The following PRRX1 variants were observed in gnomAD, a reference collection of about 807,000 sequenced individuals.
PRRX1 encodes the protein paired related homeobox 1.
PRRX1 carries 8 observed loss-of-function variants against 24.0 expected under a neutral mutation model. The observed-to-expected ratio is 0.33, with a 90% confidence interval of 0.20 to 0.60. PRRX1 has a LOEUF of 0.60. Ranked by LOEUF, PRRX1 falls within the 20% of genes least tolerant of loss-of-function variation. The pLI, the probability that PRRX1 is intolerant of heterozygous loss-of-function variation, is 0.82. For missense variants in PRRX1, 281 were observed against 322.4 expected (o/e 0.87, Z 0.98); for synonymous variants, 160 against 131.7 (o/e 1.22, Z -1.47).
At chr1:170,726,077 T>C in intron 2 of PRRX1, 143 bp from the exon 3 acceptor site, 2 of 809,974 alleles carry the variant, frequency 2.5e-6, no homozygotes, top group Non-Finnish European at 2.0e-6. Flanking sequence ...TCTATTGTTC[T>C]ACGGAGAATT....
At chr1:170,687,095 A>C (rs889216630) in intron 1 of PRRX1, among the ~76,000 whole-genome samples, 4 of 151,578 alleles carry the variant, frequency 2.6e-5, no homozygotes, top group African/African-American at 4.8e-5. Flanking sequence ...TTTTACAAAA[A>C]GGTCATCTTG....
At chr1:170,682,183 GACCAAAATTTA>G (rs887155230) in intron 1 of PRRX1, among the ~76,000 whole-genome samples, 3 of 151,984 alleles carry the variant, frequency 2.0e-5, no homozygotes, top group African/African-American at 7.2e-5. Flanking sequence ...ACTGGTATAG[GACCAAAATTTA>G]GGCAAAATTT....
intron 1 of PRRX1, among the ~76,000 whole-genome samples, chr1:170,698,926 C>T (rs1429661946): frequency 6.6e-6 from 1 of 152,126 alleles, no homozygotes; most frequent in Non-Finnish European, 1.5e-5. Context: ...TAATCCTCCC[C>T]TCAGCAAGGC....
intron 1 of PRRX1, among the ~76,000 whole-genome samples, chr1:170,671,294 T>G (rs1653133577): frequency 6.6e-6 from 1 of 152,120 alleles, no homozygotes; most frequent in African/African-American, 2.4e-5. Context: ...GGGCTTGAGG[T>G]TGTGGAATGG....
rs568696723 is a variant in PRRX1 at position 170,664,407 on chromosome 1, C to A, written c.189C>A (p.Ser63Arg). ...ADENVGEAGRSLLESPGLTSG... is the reference protein window; with the variant it reads ...ADENVGEAGRRLLESPGLTSG... Reference sequence around the variant, plus strand: ...AGAACGTGGGCGAGGCTGGCCGGAGCCTGCTGGAGTCGCCGGGACTCACCA... The same window carrying A: ...AGAACGTGGGCGAGGCTGGCCGGAGACTGCTGGAGTCGCCGGGACTCACCA... The change falls in exon 1 of 4, where the codon AGC becomes AGA. Residue 63 changes from serine to arginine, a missense_variant. Coordinates refer to ENST00000239461, the MANE Select transcript of PRRX1 (RefSeq NM_022716.4). The A allele has an allele frequency of 6.2e-7, 1 of 1,611,956 alleles. No homozygotes were observed. Among genetic ancestry groups the A allele is most frequent in the Non-Finnish European group, 8.5e-7 (1 of 1,179,428 alleles).
intron 1 of PRRX1, among the ~76,000 whole-genome samples, chr1:170,679,562 G>T (rs1653436597): frequency 6.6e-6 from 1 of 152,082 alleles, no homozygotes; most frequent in African/African-American, 2.4e-5. Flanking sequence ...ACCACACCTG[G>T]CTAATTTTTT....
chr1:170,710,682 GT>G (rs1654717234), intron 1 of PRRX1, among the ~76,000 whole-genome samples: 1 of 152,144 alleles, frequency 6.6e-6, no homozygotes, highest in Non-Finnish European at 1.5e-5. Context: ...AGGTAATAAG[GT>G]TTAGATGAGG....
intron 1 of PRRX1, among the ~76,000 whole-genome samples, chr1:170,691,774 C>T (rs918850913): frequency 5.9e-5 from 9 of 151,634 alleles, no homozygotes; most frequent in Non-Finnish European, 1.0e-4. Flanking sequence ...TGAAAATAAA[C>T]AAAATGAAGC....
At chr1:170,704,101 A>C (rs997581968) in intron 1 of PRRX1, among the ~76,000 whole-genome samples, 1 of 152,254 alleles carries the variant, frequency 6.6e-6, no homozygotes, top group African/African-American at 2.4e-5. Context: ...AAACTAGATA[A>C]ATATAACTTT....
intron 1 of PRRX1, among the ~76,000 whole-genome samples, chr1:170,709,584 T>G (rs966115406): frequency 6.6e-6 from 1 of 152,146 alleles, no homozygotes; most frequent in African/African-American, 2.4e-5. Flanking sequence ...GGAATATTTT[T>G]TTTTTCTACT....
At chr1:170,732,392 G>C (rs545295876) in intron 3 of PRRX1, among the ~76,000 whole-genome samples, 2 of 152,272 alleles carry the variant, frequency 1.3e-5, no homozygotes, top group South Asian at 4.1e-4. Flanking sequence ...TAGGAGGCAG[G>C]TCCTCTGCAT....
At chr1:170,727,273 T>C (rs893347818) in intron 3 of PRRX1, 1 of 152,184 alleles carries the variant, frequency 6.6e-6, no homozygotes, top group Non-Finnish European at 1.5e-5. Context: ...TCAGAAAATA[T>C]AGGCTGCCAG....
At chr1:170,676,161 C>T (rs1183987276) in intron 1 of PRRX1, among the ~76,000 whole-genome samples, 1 of 152,096 alleles carries the variant, frequency 6.6e-6, no homozygotes, top group Non-Finnish European at 1.5e-5. Flanking sequence ...GTTTTGCTAG[C>T]CATATTTCAA....
Position 170,697,751 on chromosome 1 carries a change from C to CAT in PRRX1, c.242-21969_242-21968dup, listed in dbSNP as rs1478832795. On this transcript the variant is annotated intron_variant, in intron 1 of 3. Coordinates refer to ENST00000239461, the MANE Select transcript of PRRX1 (RefSeq NM_022716.4). The stretch of plus-strand genomic sequence containing the variant: ...ATATATACATATATAAATATATATA[C>CAT]ATATATAGATATATAAATATATACA... Among the ~76,000 whole-genome samples, 13 of 145,296 alleles carry CAT rather than the reference C, an allele frequency of 8.9e-5. No individual in the cohort carries two copies. The East Asian group carries it at 2.6e-3, about 29-fold the overall frequency.
chr1:170,690,129 C>T (rs965939449), intron 1 of PRRX1, among the ~76,000 whole-genome samples: 3 of 151,830 alleles, frequency 2.0e-5, no homozygotes, highest in Non-Finnish European at 4.4e-5. Flanking sequence ...CCCCTCCCCC[C>T]CCATTTTTTC....
intron 3 of PRRX1, 87 bp downstream of exon 3, chr1:170,726,488 G>A (rs1655260600): frequency 8.3e-6 from 12 of 1,452,592 alleles, no homozygotes; most frequent in Middle Eastern, 2.2e-4. Flanking sequence ...GCAGCTCACC[G>A]ACATTTCTTA....
intron 1 of PRRX1, among the ~76,000 whole-genome samples, chr1:170,714,791 A>T (rs1450650643): frequency 6.6e-6 from 1 of 152,200 alleles, no homozygotes; most frequent in Non-Finnish European, 1.5e-5. Flanking sequence ...CAACTTCAGC[A>T]GCCACATGAG....
chr1:170,692,476 C>T (rs143112851), intron 1 of PRRX1, among the ~76,000 whole-genome samples: 55 of 151,380 alleles, frequency 3.6e-4, no homozygotes, highest in Non-Finnish European at 6.2e-4. Context: ...GATCACCTTA[C>T]ATTATTCTTA....
chr1:170,680,640 T>A (rs1339505486), intron 1 of PRRX1, among the ~76,000 whole-genome samples: 1 of 152,232 alleles, frequency 6.6e-6, no homozygotes, highest in Non-Finnish European at 1.5e-5. Context: ...TGTTGCATAA[T>A]TAAGTACGTC....
Sources: allele counts gnomAD v4.1 joint callset (sites outside exome capture counted in the v4.1 genomes callset), GRCh38; gene constraint gnomAD v4.1.1; transcripts MANE v1.5; gene names NCBI Gene and HGNC (gene_info 2026-07-23, HGNC 2026-07-21).